Variants in IQSEC3 observed in about 807,000 individuals in gnomAD.
IQSEC3 encodes the protein IQ motif and SEC7 domain-containing protein 3.
A neutral mutation model predicts 105.4 loss-of-function variants in IQSEC3; 50 were observed. That is an observed-to-expected ratio of 0.47 (90% CI 0.38 to 0.60). The LOEUF (loss-of-function observed/expected upper bound fraction) is 0.60, where lower values mean the gene tolerates loss of function less well. Ranked by LOEUF, IQSEC3 falls within the 20% of genes least tolerant of loss-of-function variation. The pLI, the probability that IQSEC3 is intolerant of heterozygous loss-of-function variation, is 0.00. For synonymous variants in IQSEC3, 708 were observed against 746.0 expected, an observed-to-expected ratio of 0.95 and a Z score of 0.83; for missense variants, 1,415 against 1,630.0, an observed-to-expected ratio of 0.87 and a Z score of 2.27.
chr12:124,389 CAAAAA>C lies in IQSEC3; in HGVS notation c.624-1232_624-1228del, dbSNP rs55767927. ...GGGCAACAAGAGTGAAACTCCATCT[CAAAAA>C]AAAAAAAAAAAGAAAAGAAAAAGAA... On this transcript the variant is annotated intron_variant, in intron 2 of 13. Coordinates refer to ENST00000538872, the MANE Select transcript of IQSEC3 (RefSeq NM_001170738.2). Among the ~76,000 whole-genome samples, 70 of 124,952 alleles carry C rather than the reference CAAAAA, an allele frequency of 5.6e-4. 1 individual carries two copies. The South Asian group carries it at 7.0e-3, about 12-fold the overall frequency. The allele number at this position is 124,952 out of a possible 152,430, so 82.0% of individuals were successfully genotyped here.
At chr12:156,406 C>A (rs1235580415) in intron 5 of IQSEC3, among the ~76,000 whole-genome samples, 2 of 152,160 alleles carry the variant, frequency 1.3e-5, no homozygotes, top group East Asian at 3.9e-4. Context: ...GCACATTTGT[C>A]ATTTACTCTT....
chr12:120,820 T>C (rs552912489), intron 2 of IQSEC3, among the ~76,000 whole-genome samples: 1 of 152,320 alleles, frequency 6.6e-6, no homozygotes, highest in East Asian at 1.9e-4. Context: ...CCTAATGTCA[T>C]GTGAACACAT....
intron 1 of IQSEC3, among the ~76,000 whole-genome samples, chr12:94,624 T>C (rs1489166041): frequency 6.6e-6 from 1 of 152,232 alleles, no homozygotes; most frequent in Non-Finnish European, 1.5e-5. Flanking sequence ...CCCAAGGTGC[T>C]GCAGGTCTTG....
intron 13 of IQSEC3, 138 bp downstream of exon 13, chr12:171,299 A>G (rs781826156): frequency 3.7e-6 from 6 of 1,613,940 alleles, no homozygotes. Context: ...ATTTCAAGAG[A>G]TACAATTAAA....
At chr12:145,366 C>T (rs1866219768) in intron 5 of IQSEC3, among the ~76,000 whole-genome samples, 1 of 152,202 alleles carries the variant, frequency 6.6e-6, no homozygotes, top group Non-Finnish European at 1.5e-5. Context: ...CTTGAACTCC[C>T]GGGCCCAAGT....
chr12:87,553 A>G (rs1469090027), intron 1 of IQSEC3, among the ~76,000 whole-genome samples: 1 of 152,186 alleles, frequency 6.6e-6, no homozygotes, highest in Non-Finnish European at 1.5e-5. Context: ...TTGGCAAGAG[A>G]TCAAGGTGAA....
chr12:100,108 G>C (rs545441692), intron 2 of IQSEC3, among the ~76,000 whole-genome samples: 1 of 152,224 alleles, frequency 6.6e-6, no homozygotes, highest in African/African-American at 2.4e-5. Flanking sequence ...GTGAATTTGG[G>C]CAAGTTACTC....
intron 5 of IQSEC3, among the ~76,000 whole-genome samples, chr12:151,695 TGACA>T: frequency 1.3e-5 from 2 of 152,332 alleles, no homozygotes; most frequent in South Asian, 4.1e-4. Flanking sequence ...CCCACAAAGC[TGACA>T]GACTGAGCCC....
intron 3 of IQSEC3, among the ~76,000 whole-genome samples, chr12:131,137 A>G (rs1555084984): frequency 1.3e-5 from 2 of 148,494 alleles, no homozygotes; most frequent in Non-Finnish European, 3.0e-5. Flanking sequence ...CAGCTGCCAC[A>G]GCAACCTGAA....
At chr12:73,879 C>T (rs1354383639) in intron 1 of IQSEC3, among the ~76,000 whole-genome samples, 1 of 152,274 alleles carries the variant, frequency 6.6e-6, no homozygotes, top group Non-Finnish European at 1.5e-5. Context: ...ACCAGCAGCA[C>T]AAATCCACCA....
At chr12:146,091 A>G (rs1555090915) in intron 5 of IQSEC3, among the ~76,000 whole-genome samples, 4 of 152,238 alleles carry the variant, frequency 2.6e-5, no homozygotes, top group Non-Finnish European at 2.9e-5. Context: ...TATGTTGGCC[A>G]GAGTATAACA....
At chr12:169,172 C>T (rs2137065890) in intron 12 of IQSEC3, 67 bp downstream of exon 12, 1 of 1,303,256 alleles carries the variant, frequency 7.7e-7, no homozygotes, top group South Asian at 1.2e-5. Flanking sequence ...GGGTGTGGGT[C>T]CTGGGCAATC....
intron 3 of IQSEC3, among the ~76,000 whole-genome samples, chr12:131,133 C>CTTT (rs1555084978): frequency 1.3e-5 from 2 of 152,136 alleles, no homozygotes; most frequent in Non-Finnish European, 2.9e-5. Context: ...GGCTCAGCTG[C>CTTT]CACAGCAACC....
chr12:168,313 C>T (rs1474790142), intron 11 of IQSEC3, among the ~76,000 whole-genome samples: 4 of 152,182 alleles, frequency 2.6e-5, no homozygotes, highest in South Asian at 2.1e-4. Flanking sequence ...AGGCTTGTAG[C>T]TTCCACACCC....
intron 1 of IQSEC3, among the ~76,000 whole-genome samples, chr12:79,509 C>T (rs535739632): frequency 6.6e-6 from 1 of 152,336 alleles, no homozygotes; most frequent in South Asian, 2.1e-4. Flanking sequence ...TTGCTCTCTG[C>T]AGCCTCGAAC....
intron 7 of IQSEC3, among the ~76,000 whole-genome samples, chr12:160,556 C>T (rs11061681): frequency 0.17 from 26,126 of 152,136 alleles, 2,504 homozygotes; most frequent in East Asian, 0.33. Context: ...AGCAGAGTCC[C>T]GGCTTGGCTG....
At chr12:169,217 C>T (rs1161196370) in intron 12 of IQSEC3, 112 bp downstream of exon 12, 3 of 817,040 alleles carry the variant, frequency 3.7e-6, no homozygotes, top group Middle Eastern at 3.4e-4. Context: ...TGGCGTGTTT[C>T]TTCCTGCTGA....
chr12:69,253 G>A (rs1863214405), intron 1 of IQSEC3, among the ~76,000 whole-genome samples: 1 of 152,274 alleles, frequency 6.6e-6, no homozygotes. Flanking sequence ...AAGAAGAGTT[G>A]AGGAAAGATT....
At chr12:132,994 G>A (rs1273657980) in intron 3 of IQSEC3, among the ~76,000 whole-genome samples, 1 of 152,220 alleles carries the variant, frequency 6.6e-6, no homozygotes, top group African/African-American at 2.4e-5. Context: ...AGTCAAAGAT[G>A]TTAAATTCAT....
Sources: gnomAD v4.1 joint callset for allele counts (sites outside exome capture counted in the v4.1 genomes callset) on GRCh38, gnomAD v4.1.1 for gene constraint, MANE v1.5 for transcripts, NCBI Gene and HGNC (gene_info 2026-07-23, HGNC 2026-07-21) for gene names.